FNDC3B: variants seen among roughly 807,000 people sequenced by gnomAD.
FNDC3B encodes fibronectin type III domain containing 3B, also known as fibronectin type III domain-containing protein 3B.
A neutral mutation model predicts 151.5 loss-of-function variants in FNDC3B; 12 were observed. The ratio of observed to expected loss-of-function variants is 0.08; its 90% CI spans 0.05 to 0.13. FNDC3B has a LOEUF of 0.13. FNDC3B is among the 10% of genes least tolerant of loss of function. The pLI is 1.00. For synonymous variants in FNDC3B, 528 were observed against 549.0 expected, an observed-to-expected ratio of 0.96 and a Z score of 0.54; for missense variants, 1,214 against 1,505.3, an observed-to-expected ratio of 0.81 and a Z score of 3.20.
intron 6 of FNDC3B, among the ~76,000 whole-genome samples, chr3:172,278,173 C>T (rs1729530234): frequency 6.6e-6 from 1 of 152,124 alleles, no homozygotes; most frequent in Non-Finnish European, 1.5e-5. Context: ...TCAGATGCAA[C>T]ATATTAGAAA....
At chr3:172,130,135 G>A (rs548933081) in intron 2 of FNDC3B, among the ~76,000 whole-genome samples, 11 of 152,244 alleles carry the variant, frequency 7.2e-5, no homozygotes, top group Admixed American at 7.2e-4. Context: ...ATTCATGTCT[G>A]CTGTCAGGAC....
At chr3:172,146,406 TA>T (rs954168513) in intron 3 of FNDC3B, among the ~76,000 whole-genome samples, 1 of 152,162 alleles carries the variant, frequency 6.6e-6, no homozygotes, top group Non-Finnish European at 1.5e-5. Flanking sequence ...AAAAAAAGTT[TA>T]AAAGTTGATA....
chr3:172,196,138 A>G (rs1560012751), intron 3 of FNDC3B, among the ~76,000 whole-genome samples: 1 of 152,180 alleles, frequency 6.6e-6, no homozygotes, highest in Non-Finnish European at 1.5e-5. Flanking sequence ...AATTGCTGGG[A>G]AGATTTTTCA....
intron 3 of FNDC3B, among the ~76,000 whole-genome samples, chr3:172,219,075 C>G (rs1726138795): frequency 6.6e-6 from 1 of 152,198 alleles, no homozygotes. Flanking sequence ...CAGCTTGCTT[C>G]TGGGCCTCAG....
At chr3:172,297,754 G>A (rs975650628) in intron 8 of FNDC3B, among the ~76,000 whole-genome samples, 6 of 141,700 alleles carry the variant, frequency 4.2e-5, no homozygotes, top group African/African-American at 1.1e-4. Flanking sequence ...GATAACAGGC[G>A]TGAGCCACCG....
rs775314296 is a variant in FNDC3B, at chr3:172,168,719, C to CTTTTT, written c.187+35184_187+35188dup. Among the ~76,000 whole-genome samples, 244 of 133,152 alleles carry CTTTTT rather than the reference C, an allele frequency of 1.8e-3. 3 individuals are homozygous for CTTTTT. The highest frequency in any genetic ancestry group is 2.0e-3 in the Non-Finnish European group (126 of 63,314). 87.4% of individuals were successfully genotyped at this position (133,152 alleles called of 152,430 possible). On this transcript the variant is annotated intron_variant, in intron 3 of 25. Coordinates refer to ENST00000415807, the MANE Select transcript of FNDC3B (RefSeq NM_022763.4). ...TGCTGCTGTGTATCTTTTTCTTTTA[C>CTTTTT]TTTTTTTTTTTTTTTGAGATGGAGT...
At chr3:172,390,301 CTT>C (rs1735940850) in intron 25 of FNDC3B, among the ~76,000 whole-genome samples, 1 of 152,172 alleles carries the variant, frequency 6.6e-6, no homozygotes, top group Non-Finnish European at 1.5e-5. Flanking sequence ...TAAAAACTAA[CTT>C]TTGATTAGAC....
intron 1 of FNDC3B, chr3:172,046,952 G>A (rs1302922385): frequency 6.6e-6 from 1 of 152,196 alleles, no homozygotes; most frequent in Non-Finnish European, 1.5e-5. Flanking sequence ...ATGGTGGTAA[G>A]TTCAACTCTT....
intron 3 of FNDC3B, among the ~76,000 whole-genome samples, chr3:172,214,027 G>C (rs781371669): frequency 1.3e-5 from 2 of 152,108 alleles, no homozygotes; most frequent in Non-Finnish European, 2.9e-5. Context: ...AAAGCAGTCT[G>C]GTGCCTCTCA....
chr3:172,129,271 C>A (rs1720953728), intron 2 of FNDC3B, among the ~76,000 whole-genome samples: 1 of 152,148 alleles, frequency 6.6e-6, no homozygotes, highest in Non-Finnish European at 1.5e-5. Flanking sequence ...CTGTACCTGG[C>A]CAGAAGCTTT....
chr3:172,386,879 G>A (rs749356015), intron 25 of FNDC3B, among the ~76,000 whole-genome samples: 2 of 151,814 alleles, frequency 1.3e-5, no homozygotes, highest in Non-Finnish European at 2.9e-5. Context: ...TAGTATCAAG[G>A]CATGCATTGA....
intron 6 of FNDC3B, among the ~76,000 whole-genome samples, chr3:172,257,278 C>T (rs1728401203): frequency 6.6e-6 from 1 of 152,136 alleles, no homozygotes; most frequent in Non-Finnish European, 1.5e-5. Flanking sequence ...CACTTTGTTC[C>T]TGGGGCTTAC....
rs116024899 is a variant in FNDC3B, at chr3:172,306,300, G to A, written c.1062-1063G>A. Reference sequence around the variant, plus strand: ...GGAATAGGCAATACCGTATATACTGGTTAGACTTCCAGGGATAAATACCAT... The same window carrying A: ...GGAATAGGCAATACCGTATATACTGATTAGACTTCCAGGGATAAATACCAT... On this transcript the variant is annotated intron_variant, in intron 9 of 25. Transcript: ENST00000415807. Among the ~76,000 whole-genome samples the A allele has an allele frequency of 2.6e-4, 40 of 152,294 alleles. 1 individual carries two copies. In the Middle Eastern group the frequency reaches 0.01, roughly 39 times the overall value.
chr3:172,049,040 G>A (rs540945730), intron 1 of FNDC3B, among the ~76,000 whole-genome samples: 9 of 152,140 alleles, frequency 5.9e-5, no homozygotes, highest in African/African-American at 9.7e-5. Flanking sequence ...GAACAGTGGC[G>A]ATGGTTGTAC....
chr3:172,107,940 C>T (rs548437136), intron 1 of FNDC3B, among the ~76,000 whole-genome samples: 2 of 152,062 alleles, frequency 1.3e-5, no homozygotes, highest in Admixed American at 6.5e-5. Flanking sequence ...GAGGCCGAGG[C>T]GGGCGGATCA....
intron 4 of FNDC3B, among the ~76,000 whole-genome samples, chr3:172,238,267 C>T (rs1727271052): frequency 6.6e-6 from 1 of 152,114 alleles, no homozygotes; most frequent in Admixed American, 6.5e-5. Flanking sequence ...GTGATCCTCC[C>T]ACATCATCCT....
chr3:172,212,301 T>TCCAAAA (rs1725770677), intron 3 of FNDC3B, among the ~76,000 whole-genome samples: 1 of 152,214 alleles, frequency 6.6e-6, no homozygotes, highest in Non-Finnish European at 1.5e-5. Context: ...AAAACTTAGC[T>TCCAAAA]AATTGGACTC....
intron 3 of FNDC3B, among the ~76,000 whole-genome samples, chr3:172,203,449 T>G (rs1166485318): frequency 6.6e-6 from 1 of 152,248 alleles, no homozygotes; most frequent in Non-Finnish European, 1.5e-5. Context: ...GAAATTTTGG[T>G]ATAACAGAAC....
Position 172,334,928 on chromosome 3 carries a change from C to T in FNDC3B, c.1642-16C>T, listed in dbSNP as rs1343007821. The stretch of plus-strand genomic sequence containing the variant: ...GATAACTAAATCATGTTAACGTTTC[C>T]TTGGTTGTGTTCTAGCTGACTGCTT... On this transcript the variant is annotated splice_polypyrimidine_tract_variant and intron_variant, in intron 14 of 25. Transcript: ENST00000415807. 3 of 1,604,352 alleles carry T rather than the reference C, an allele frequency of 1.9e-6. No individual in the cohort carries two copies. In the African/African-American group the frequency reaches 4.0e-5, roughly 22 times the overall value.
Sources: gnomAD v4.1 joint callset for allele counts (sites outside exome capture counted in the v4.1 genomes callset) on GRCh38, gnomAD v4.1.1 for gene constraint, MANE v1.5 for transcripts, NCBI Gene and HGNC (gene_info 2026-07-23, HGNC 2026-07-21) for gene names.